Variants in ARNT2 observed in about 807,000 individuals in gnomAD.
ARNT2 encodes aryl hydrocarbon receptor nuclear translocator 2, also known as ARNT protein 2.
In ARNT2, 36 loss-of-function variants were observed where a neutral mutation model predicts 91.7. That is an observed-to-expected ratio of 0.39 (90% confidence interval 0.30 to 0.52). The LOEUF (loss-of-function observed/expected upper bound fraction) is 0.52, where lower values mean the gene tolerates loss of function less well. ARNT2 is among the 20% of genes least tolerant of loss of function. The pLI is 0.72. For synonymous variants in ARNT2, 365 were observed against 347.1 expected (o/e 1.05, Z -0.57); for missense variants, 775 against 939.3 (o/e 0.83, Z 2.29).
chr15:80,465,224 ACTC>A (rs1217147717), intron 3 of ARNT2, among the ~76,000 whole-genome samples: 2 of 151,646 alleles, frequency 1.3e-5, no homozygotes, highest in Admixed American at 1.3e-4. Context: ...AAAGGAAAAA[ACTC>A]CTGGTGTCTG....
At chr15:80,563,433 C>G (rs1238102407) in intron 12 of ARNT2, among the ~76,000 whole-genome samples, 194 bp downstream of exon 12, 1 of 152,208 alleles carries the variant, frequency 6.6e-6, no homozygotes, top group Non-Finnish European at 1.5e-5. Context: ...CATTTCCCTC[C>G]TGATTTGTGA....
rs780814973 is a variant in ARNT2, at chr15:80,580,599, C to T, written c.1752+50C>T. Reference sequence around the variant, plus strand: ...CCCCTGGGTGACCAGAGAGGCAGAGCACTCTGGGAAGTGTTTTCTTTGGAT... The same window carrying T: ...CCCCTGGGTGACCAGAGAGGCAGAGTACTCTGGGAAGTGTTTTCTTTGGAT... On this transcript the variant is annotated intron_variant, in intron 16 of 18. Coordinates refer to ENST00000303329, the MANE Select transcript of ARNT2 (RefSeq NM_014862.4). 1.9e-5 allele frequency: 30 copies of T among 1,611,060 alleles called. 1 individual carries two copies. The Admixed American group carries it at 4.2e-4, about 22-fold the overall frequency.
At chr15:80,459,778 TC>T (rs1359866195) in intron 3 of ARNT2, among the ~76,000 whole-genome samples, 6 of 152,108 alleles carry the variant, frequency 3.9e-5, no homozygotes, top group Non-Finnish European at 2.9e-5. Context: ...CCATATCATT[TC>T]CCCCATGAAA....
intron 3 of ARNT2, among the ~76,000 whole-genome samples, chr15:80,469,104 G>A (rs1000392370): frequency 6.6e-6 from 1 of 152,090 alleles, no homozygotes; most frequent in Non-Finnish European, 1.5e-5. Context: ...CAGCAGACAT[G>A]GGATTTATTT....
At chr15:80,580,640 G>T (rs1596024209) in intron 16 of ARNT2, 91 bp downstream of exon 16, 1 of 1,547,412 alleles carries the variant, frequency 6.5e-7, no homozygotes. Context: ...TTCTGAGGAT[G>T]GGTCGGCTCC....
At chr15:80,509,694 T>C (rs2141425217) in intron 6 of ARNT2, among the ~76,000 whole-genome samples, 1 of 152,190 alleles carries the variant, frequency 6.6e-6, no homozygotes, top group Middle Eastern at 3.4e-3. Flanking sequence ...AAGGTGACTT[T>C]TGAGCAGAGA....
chr15:80,489,395 GA>G (rs1459472189), intron 5 of ARNT2, among the ~76,000 whole-genome samples: 5 of 152,156 alleles, frequency 3.3e-5, no homozygotes, highest in Non-Finnish European at 7.3e-5. Flanking sequence ...AGCCTCCCTG[GA>G]CAGTCATTTG....
intron 1 of ARNT2, among the ~76,000 whole-genome samples, chr15:80,439,926 T>C (rs1009961783): frequency 6.6e-6 from 1 of 152,222 alleles, no homozygotes; most frequent in African/African-American, 2.4e-5. Flanking sequence ...CTTTCTCGTA[T>C]TTTTGAATGT....
At chr15:80,415,991 T>C (rs968958310) in intron 1 of ARNT2, among the ~76,000 whole-genome samples, 5 of 152,148 alleles carry the variant, frequency 3.3e-5, no homozygotes, top group Admixed American at 2.0e-4. Flanking sequence ...GCCTTCCCCC[T>C]GCCCACTCTC....
intron 5 of ARNT2, among the ~76,000 whole-genome samples, chr15:80,504,805 G>A (rs1411184968): frequency 6.6e-6 from 1 of 152,058 alleles, no homozygotes; most frequent in Non-Finnish European, 1.5e-5. Context: ...GCAAAGGGAA[G>A]GGGATTGCTC....
At chr15:80,525,950 C>A (rs926293290) in intron 8 of ARNT2, among the ~76,000 whole-genome samples, 3 of 152,088 alleles carry the variant, frequency 2.0e-5, no homozygotes, top group African/African-American at 7.2e-5. Flanking sequence ...TAAAGGCAAC[C>A]TTGAAAAATC....
At chr15:80,437,704 C>T (rs1896110830) in intron 1 of ARNT2, among the ~76,000 whole-genome samples, 1 of 152,228 alleles carries the variant, frequency 6.6e-6, no homozygotes, top group African/African-American at 2.4e-5. Context: ...CTGTTCCCCT[C>T]CCTCAGTTCT....
intron 17 of ARNT2, among the ~76,000 whole-genome samples, chr15:80,590,926 C>T (rs568198399): frequency 5.9e-5 from 9 of 152,292 alleles, no homozygotes; most frequent in African/African-American, 9.6e-5. Flanking sequence ...AACAAACTGA[C>T]GCAAAGAAAA....
At chr15:80,419,752 G>A (rs893941592) in intron 1 of ARNT2, among the ~76,000 whole-genome samples, 1 of 152,194 alleles carries the variant, frequency 6.6e-6, no homozygotes, top group African/African-American at 2.4e-5. Context: ...GGAAAGTCCC[G>A]GGAGAAAAAG....
chr15:80,510,152 G>T (rs1897322007), intron 6 of ARNT2, among the ~76,000 whole-genome samples: 1 of 152,124 alleles, frequency 6.6e-6, no homozygotes, highest in African/African-American at 2.4e-5. Context: ...CACAGACGGA[G>T]CCAGCCTTCA....
chr15:80,458,521 C>A (rs1299001779), intron 3 of ARNT2, among the ~76,000 whole-genome samples: 1 of 152,130 alleles, frequency 6.6e-6, no homozygotes, highest in Non-Finnish European at 1.5e-5. Context: ...TGCCCCCTGG[C>A]CACGTGACAG....
chr15:80,423,133 GAATAAT>G (rs1247096828), intron 1 of ARNT2, among the ~76,000 whole-genome samples: 1 of 152,134 alleles, frequency 6.6e-6, no homozygotes, highest in Non-Finnish European at 1.5e-5. Flanking sequence ...TGTAAAATGA[GAATAAT>G]AATAATAATG....
chr15:80,539,646 G>A (rs1897877377), intron 8 of ARNT2, among the ~76,000 whole-genome samples: 1 of 152,048 alleles, frequency 6.6e-6, no homozygotes, highest in South Asian at 2.1e-4. Context: ...AGGGAAGACA[G>A]AATTAACATT....
chr15:80,480,101 C>G (rs1896863468), intron 5 of ARNT2, among the ~76,000 whole-genome samples: 1 of 152,022 alleles, frequency 6.6e-6, no homozygotes. Context: ...TTACAGGATT[C>G]TGAGAAGAAG....
Sources: gnomAD v4.1 joint callset for allele counts (sites outside exome capture counted in the v4.1 genomes callset) on GRCh38, gnomAD v4.1.1 for gene constraint, MANE v1.5 for transcripts, NCBI Gene and HGNC (gene_info 2026-07-23, HGNC 2026-07-21) for gene names.